CHIC2: variants seen among roughly 807,000 people sequenced by gnomAD.
CHIC2 encodes cysteine rich hydrophobic domain 2.
In CHIC2, 14 loss-of-function variants were observed where a neutral mutation model predicts 25.9. The observed-to-expected ratio is 0.54, with a 90% confidence interval of 0.36 to 0.85. The LOEUF is 0.85. Ranked by LOEUF, CHIC2 falls within the 40% of genes least tolerant of loss-of-function variation. CHIC2 has a pLI of 0.01. For synonymous variants in CHIC2, 70 were observed against 72.0 expected (o/e 0.97, Z 0.14); for missense variants, 146 against 202.0 (o/e 0.72, Z 1.68).
the CHIC2 span, among the ~76,000 whole-genome samples, chr4:54,090,062 A>G: frequency 6.6e-6 from 1 of 152,202 alleles, no homozygotes; most frequent in Non-Finnish European, 1.5e-5. Flanking sequence ...AAGATATCTC[A>G]TTATATACAT....
At chr4:54,070,120 G>T in the CHIC2 span, among the ~76,000 whole-genome samples, 1 of 152,228 alleles carries the variant, frequency 6.6e-6, no homozygotes, top group Non-Finnish European at 1.5e-5. Context: ...TAGGGAAGTA[G>T]AGAGAAGAGA....
intron 3 of CHIC2, among the ~76,000 whole-genome samples, chr4:54,032,548 G>A (rs533313078): frequency 6.6e-5 from 10 of 152,216 alleles, no homozygotes; most frequent in African/African-American, 2.4e-4. Context: ...GATTGCAGAC[G>A]GAGTCTTGTT....
intron 3 of CHIC2, among the ~76,000 whole-genome samples, chr4:54,044,510 A>G (rs532379002): frequency 6.6e-6 from 1 of 152,322 alleles, no homozygotes; most frequent in Admixed American, 6.5e-5. Flanking sequence ...AAACTGCTCA[A>G]CTACATGGAA....
rs535911974 is a variant in CHIC2, at chr4:54,049,309, T to G, written c.120-4A>C. On this transcript the variant is annotated splice_polypyrimidine_tract_variant and splice_region_variant and intron_variant, in intron 1 of 5. Transcript: ENST00000263921. ...AAATTTGTTGCTCAGTCCAAATCTATTTTAAAAAATAAGAAGAATATGTTA... is the reference window on the plus strand; with the variant it reads ...AAATTTGTTGCTCAGTCCAAATCTAGTTTAAAAAATAAGAAGAATATGTTA... 4.5e-6 allele frequency: 7 copies of G among 1,562,046 alleles called. No homozygotes were observed. The South Asian group carries it at 7.1e-5, about 16-fold the overall frequency.
chr4:54,041,452 C>A (rs551310378), intron 3 of CHIC2, among the ~76,000 whole-genome samples: 1 of 152,224 alleles, frequency 6.6e-6, no homozygotes, highest in South Asian at 2.1e-4. Flanking sequence ...TTTTTAACCA[C>A]TAACTGAAAT....
the CHIC2 span, among the ~76,000 whole-genome samples, chr4:54,070,225 G>A: frequency 5.9e-5 from 9 of 152,174 alleles, no homozygotes; most frequent in African/African-American, 1.4e-4. Flanking sequence ...GCCAGTGTGG[G>A]TGGATCATAG....
At chr4:54,058,646 A>G (rs1046678766) in intron 1 of CHIC2, among the ~76,000 whole-genome samples, 3 of 151,876 alleles carry the variant, frequency 2.0e-5, no homozygotes, top group African/African-American at 7.3e-5. Flanking sequence ...CTGTTGCTAC[A>G]TGTTATATTT....
Position 54,045,680 on chromosome 4 carries a change from C to T in CHIC2, c.330+3275G>A, listed in dbSNP as rs1045057862. Reference sequence around the variant, plus strand: ...TAATAAGAGCTATCTATGACAAACCCACAGCCAATATCATACTGAATGGGC... The same window carrying T: ...TAATAAGAGCTATCTATGACAAACCTACAGCCAATATCATACTGAATGGGC... On this transcript the variant is annotated intron_variant, in intron 3 of 5. Coordinates refer to ENST00000263921, the MANE Select transcript of CHIC2 (RefSeq NM_012110.4). 7.2e-5 allele frequency among the ~76,000 whole-genome samples: 11 copies of T among 151,842 alleles called. No individual in the cohort carries two copies. The East Asian group carries it at 2.1e-3, about 29-fold the overall frequency.
chr4:54,049,601 C>A (rs957727053), intron 1 of CHIC2, among the ~76,000 whole-genome samples: 1 of 152,114 alleles, frequency 6.6e-6, no homozygotes, highest in Non-Finnish European at 1.5e-5. Flanking sequence ...AACTTTATAT[C>A]TTAAAAAGTA....
At chr4:54,035,633 G>A (rs1230979649) in intron 3 of CHIC2, among the ~76,000 whole-genome samples, 2 of 151,772 alleles carry the variant, frequency 1.3e-5, no homozygotes, top group African/African-American at 4.8e-5. Flanking sequence ...CCCCACTCTG[G>A]CTAGAGATTT....
At chr4:54,011,389 G>A (rs867053389) in intron 5 of CHIC2, among the ~76,000 whole-genome samples, 2 of 152,034 alleles carry the variant, frequency 1.3e-5, no homozygotes, top group Non-Finnish European at 2.9e-5. Flanking sequence ...CTAGCTCCCT[G>A]TTAAAATACT....
At position 54,009,964 on chromosome 4, in the gene CHIC2, AC is replaced by A. The variant is rs68107873; in HGVS notation, c.*130del. On this transcript the variant is annotated 3_prime_UTR_variant, in exon 6 of 6. Transcript: ENST00000263921. Reference sequence around the variant, plus strand: ...GAACATGCGGTTATTTAAAAAAAAAACAAAAACAAAAACAAAAAAAACACCA... The same window carrying A: ...GAACATGCGGTTATTTAAAAAAAAAAAAAAACAAAAACAAAAAAAACACCA... 141,907 of 404,728 alleles carry A rather than the reference AC, an allele frequency of 0.35. 8,812 individuals are homozygous for A. Among genetic ancestry groups the A allele is most frequent in the Middle Eastern group, 0.41 (1,087 of 2,644 alleles). 25.1% of individuals were successfully genotyped at this position (404,728 alleles called of 1,614,324 possible). A position where few individuals can be genotyped will look rare whatever the true frequency, so the allele number is the denominator to read the frequency against.
At chr4:54,045,216 A>C (rs1174000453) in intron 3 of CHIC2, among the ~76,000 whole-genome samples, 1 of 152,242 alleles carries the variant, frequency 6.6e-6, no homozygotes, top group Non-Finnish European at 1.5e-5. Flanking sequence ...ATTCTACCAG[A>C]GGTACAAGGA....
chr4:54,079,476 G>T, the CHIC2 span, among the ~76,000 whole-genome samples: 1 of 151,864 alleles, frequency 6.6e-6, no homozygotes, highest in African/African-American at 2.4e-5. Context: ...CAAATGAAAA[G>T]AAAACCCACA....
chr4:54,027,205 T>C (rs1255102122), intron 3 of CHIC2, among the ~76,000 whole-genome samples: 1 of 152,148 alleles, frequency 6.6e-6, no homozygotes, highest in African/African-American at 2.4e-5. Flanking sequence ...AGAAGATAGG[T>C]GCAAATCCTT....
chr4:54,072,228 G>T, the CHIC2 span, among the ~76,000 whole-genome samples: 1 of 151,960 alleles, frequency 6.6e-6, no homozygotes, highest in Admixed American at 6.6e-5. Flanking sequence ...GCGTGAACCT[G>T]GAAGGGGAGC....
chr4:54,046,709 T>A (rs1254427581), intron 3 of CHIC2, among the ~76,000 whole-genome samples: 1 of 152,224 alleles, frequency 6.6e-6, no homozygotes, highest in Non-Finnish European at 1.5e-5. Context: ...GAAGAAAACC[T>A]AGGCATTACC....
chr4:54,016,671 TG>T (rs1287657371), intron 3 of CHIC2, among the ~76,000 whole-genome samples: 1 of 151,492 alleles, frequency 6.6e-6, no homozygotes, highest in Non-Finnish European at 1.5e-5. Context: ...GCTTGACAGG[TG>T]AAAAAAAAAG....
chr4:54,013,082 C>G (rs530184688), intron 5 of CHIC2, among the ~76,000 whole-genome samples: 1 of 151,976 alleles, frequency 6.6e-6, no homozygotes, highest in Non-Finnish European at 1.5e-5. Context: ...TTCCTTAGAT[C>G]TTTTCTTTTA....
Sources: gnomAD v4.1 joint callset for allele counts (sites outside exome capture counted in the v4.1 genomes callset) on GRCh38, gnomAD v4.1.1 for gene constraint, MANE v1.5 for transcripts, NCBI Gene and HGNC (gene_info 2026-07-23, HGNC 2026-07-21) for gene names.